ADIPOR2: variants seen among roughly 807,000 people sequenced by gnomAD.
ADIPOR2 encodes the protein adiponectin receptor protein 2.
Under a neutral mutation model 40.9 loss-of-function variants are expected in ADIPOR2, and 18 were observed. That is an observed-to-expected ratio of 0.44 (90% CI 0.30 to 0.65). ADIPOR2 has a LOEUF of 0.65. Ranked by LOEUF, ADIPOR2 falls within the 30% of genes least tolerant of loss-of-function variation. The pLI is 0.09. For missense variants in ADIPOR2, 283 were observed against 479.2 expected (o/e 0.59, Z 3.82); for synonymous variants, 165 against 166.4 (o/e 0.99, Z 0.06).
intron 1 of ADIPOR2, among the ~76,000 whole-genome samples, chr12:1,694,498 A>G (rs1392347799): frequency 6.6e-6 from 1 of 152,238 alleles, no homozygotes. Flanking sequence ...TATAAATGCT[A>G]TGTAAATAGT....
chr12:1,784,798 AACAAG>A (rs1302542199), intron 7 of ADIPOR2, among the ~76,000 whole-genome samples: 1 of 152,244 alleles, frequency 6.6e-6, no homozygotes, highest in Non-Finnish European at 1.5e-5. Context: ...AAATATTTTC[AACAAG>A]ACAACATTGG....
intron 1 of ADIPOR2, among the ~76,000 whole-genome samples, chr12:1,706,211 G>A (rs2094662084): frequency 6.6e-6 from 1 of 152,086 alleles, no homozygotes; most frequent in African/African-American, 2.4e-5. Context: ...TTTACCCTCA[G>A]TCTTCTCATT....
chr12:1,717,647 G>A (rs936081909), intron 1 of ADIPOR2, among the ~76,000 whole-genome samples: 7 of 152,130 alleles, frequency 4.6e-5, no homozygotes, highest in African/African-American at 1.4e-4. Context: ...GGAGGTTGTG[G>A]TGAGCTGAGA....
At chr12:1,745,383 A>G (rs1282460699) in intron 1 of ADIPOR2, among the ~76,000 whole-genome samples, 2 of 152,228 alleles carry the variant, frequency 1.3e-5, no homozygotes, top group Admixed American at 1.3e-4. Flanking sequence ...CGATCTGAGC[A>G]CAATGGTTTT....
intron 1 of ADIPOR2, among the ~76,000 whole-genome samples, chr12:1,693,839 T>A (rs1353849746): frequency 6.6e-6 from 1 of 152,122 alleles, no homozygotes; most frequent in Non-Finnish European, 1.5e-5. Flanking sequence ...AGCCCTGTAA[T>A]CTGCTTTTTT....
chr12:1,713,802 C>G lies in ADIPOR2; in HGVS notation c.-87+22611C>G, dbSNP rs932298153. ...CAGGATTCCTCGGATGGTAATGGAC[C>G]TTGAGGACAGCTGTCCGGGACAGGA... On this transcript the variant is annotated intron_variant, in intron 1 of 7. Coordinates refer to ENST00000357103, the MANE Select transcript of ADIPOR2 (RefSeq NM_024551.3). Among the ~76,000 whole-genome samples, 4 of 151,998 alleles carry G rather than the reference C, an allele frequency of 2.6e-5. 1 individual carries two copies. Among genetic ancestry groups the G allele is most frequent in the African/African-American group, 9.7e-5 (4 of 41,312 alleles).
At chr12:1,695,033 GTTTT>G (rs1337852552) in intron 1 of ADIPOR2, among the ~76,000 whole-genome samples, 1 of 67,540 alleles carries the variant, frequency 1.5e-5, no homozygotes, top group Non-Finnish European at 3.8e-5. Flanking sequence ...TTTTTGTTTT[GTTTT>G]TTTAAGATCT....
At chr12:1,735,481 TA>T (rs1359515445) in intron 1 of ADIPOR2, among the ~76,000 whole-genome samples, 4 of 152,208 alleles carry the variant, frequency 2.6e-5, no homozygotes, top group Non-Finnish European at 5.9e-5. Context: ...CCTATCAGCT[TA>T]AGGAGATTTT....
chr12:1,747,067 T>A (rs1212634091), intron 1 of ADIPOR2, among the ~76,000 whole-genome samples: 11 of 101,740 alleles, frequency 1.1e-4, no homozygotes, highest in South Asian at 3.4e-4. Flanking sequence ...CCCCAAAAAA[T>A]AAAAAAAACA....
intron 1 of ADIPOR2, among the ~76,000 whole-genome samples, chr12:1,728,361 C>T (rs2094712256): frequency 6.6e-6 from 1 of 151,900 alleles, no homozygotes; most frequent in Non-Finnish European, 1.5e-5. Context: ...CCGCCCACCT[C>T]AGCCTTTCAA....
intron 1 of ADIPOR2, among the ~76,000 whole-genome samples, chr12:1,720,655 A>T (rs1437467562): frequency 6.6e-6 from 1 of 152,174 alleles, no homozygotes; most frequent in African/African-American, 2.4e-5. Context: ...TCAGGTGGTA[A>T]TGCAAGCAGT....
At position 1,765,724 on chromosome 12, in the gene ADIPOR2, CT is replaced by C. The variant is rs897412032; in HGVS notation, c.172-7110del. The stretch of plus-strand genomic sequence containing the variant: ...AAATCTATCATCTTAGTGCAGTCTT[CT>C]TTTTTTTCCCCCTTTTTTCTTCTAT... On this transcript the variant is annotated intron_variant, in intron 2 of 7. Transcript: ENST00000357103. 2.6e-5 allele frequency among the ~76,000 whole-genome samples: 4 copies of C among 152,080 alleles called. No homozygotes were observed. In the East Asian group the frequency reaches 7.7e-4, roughly 29 times the overall value.
At chr12:1,691,619 C>A (rs1017881070) in intron 1 of ADIPOR2, among the ~76,000 whole-genome samples, 1 of 152,152 alleles carries the variant, frequency 6.6e-6, no homozygotes, top group Non-Finnish European at 1.5e-5. Context: ...TTGGTGGAGG[C>A]TTGGGATGGG....
At chr12:1,699,599 C>T (rs1431053016) in intron 1 of ADIPOR2, among the ~76,000 whole-genome samples, 1 of 152,104 alleles carries the variant, frequency 6.6e-6, no homozygotes, top group Non-Finnish European at 1.5e-5. Context: ...TGCGGTGAGC[C>T]GAGATAGCAC....
chr12:1,756,452 C>CTT (rs71055194), intron 2 of ADIPOR2, among the ~76,000 whole-genome samples: 6,488 of 132,338 alleles, frequency 0.049, 226 homozygotes, highest in East Asian at 0.18. Flanking sequence ...GCCTGGCCTT[C>CTT]TTTTTTTTTT....
At chr12:1,742,031 T>G (rs181607165) in intron 1 of ADIPOR2, among the ~76,000 whole-genome samples, 17 of 152,072 alleles carry the variant, frequency 1.1e-4, no homozygotes, top group African/African-American at 3.9e-4. Flanking sequence ...CAAAATCTTA[T>G]GATTGTTGAA....
Position 1,788,067 on chromosome 12 carries a change from T to G in ADIPOR2, c.*1995T>G, listed in dbSNP as rs1862875227. 6.5e-6 allele frequency: 1 copy of G among 152,680 alleles called. No homozygotes were observed. Among genetic ancestry groups the G allele is most frequent in the Non-Finnish European group, 1.5e-5 (1 of 68,076 alleles). The allele number at this position is 152,680 out of a possible 1,614,324, so 9.5% of individuals were successfully genotyped here. ...CAACAGCACGTATCAGAAGCCAGAC[T>G]TGCTCTTCGGTCATGCACTTTGGGA... On this transcript the variant is annotated 3_prime_UTR_variant, in exon 8 of 8. Coordinates refer to ENST00000357103, the MANE Select transcript of ADIPOR2 (RefSeq NM_024551.3).
At chr12:1,734,116 G>T (rs1237255429) in intron 1 of ADIPOR2, among the ~76,000 whole-genome samples, 2 of 152,134 alleles carry the variant, frequency 1.3e-5, no homozygotes, top group African/African-American at 4.8e-5. Flanking sequence ...AATCCTTTGG[G>T]TATATACCCA....
intron 1 of ADIPOR2, among the ~76,000 whole-genome samples, chr12:1,713,335 A>G (rs1250151722): frequency 6.6e-6 from 1 of 152,158 alleles, no homozygotes. Flanking sequence ...ATCTTGCACT[A>G]GTCTCCACTG....
Sources: allele counts gnomAD v4.1 joint callset (sites outside exome capture counted in the v4.1 genomes callset), GRCh38; gene constraint gnomAD v4.1.1; transcripts MANE v1.5; gene names NCBI Gene and HGNC (gene_info 2026-07-23, HGNC 2026-07-21).